Variants in SSBP2 observed in about 807,000 individuals in gnomAD.
SSBP2 encodes the protein single stranded DNA binding protein 2, also known as single-stranded DNA-binding protein 2.
SSBP2 carries 17 observed loss-of-function variants against 61.8 expected under a neutral mutation model. That is an observed-to-expected ratio of 0.28 (90% CI 0.19 to 0.41). The LOEUF is 0.41. Ranked by LOEUF, SSBP2 falls within the 10% of genes least tolerant of loss-of-function variation. SSBP2 has a pLI of 1.00. For synonymous variants in SSBP2, 139 were observed against 141.3 expected (o/e 0.98, Z 0.12); for missense variants, 310 against 458.7 (o/e 0.68, Z 2.96).
At chr5:81,456,589 G>A (rs1219153600) in intron 10 of SSBP2, among the ~76,000 whole-genome samples, 1 of 148,042 alleles carries the variant, frequency 6.8e-6, no homozygotes, top group African/African-American at 2.5e-5. Context: ...AGAATCCTTC[G>A]TGAAAAAGAA....
chr5:81,459,708 A>G (rs935194611), intron 10 of SSBP2, among the ~76,000 whole-genome samples: 1 of 152,226 alleles, frequency 6.6e-6, no homozygotes, highest in African/African-American at 2.4e-5. Context: ...AAATAAATGT[A>G]TCTTGACCTG....
intron 4 of SSBP2, among the ~76,000 whole-genome samples, chr5:81,593,542 G>T (rs1265496550): frequency 6.6e-6 from 1 of 152,184 alleles, no homozygotes; most frequent in Non-Finnish European, 1.5e-5. Flanking sequence ...ATCACTGTCA[G>T]ATTCACCAAA....
chr5:81,563,034 C>A (rs145805748), intron 4 of SSBP2, among the ~76,000 whole-genome samples: 1 of 152,068 alleles, frequency 6.6e-6, no homozygotes, highest in Non-Finnish European at 1.5e-5. Flanking sequence ...TTGTAGAAAT[C>A]AAACACTGGA....
intron 3 of SSBP2, among the ~76,000 whole-genome samples, chr5:81,632,413 C>T (rs73766290): frequency 0.018 from 2,799 of 152,250 alleles, 100 homozygotes; most frequent in African/African-American, 0.064. Flanking sequence ...GGGTAAGGAC[C>T]TTAATCTAGG....
chr5:81,531,729 A>G (rs866450696), intron 4 of SSBP2, among the ~76,000 whole-genome samples: 1 of 152,122 alleles, frequency 6.6e-6, no homozygotes, highest in Non-Finnish European at 1.5e-5. Flanking sequence ...TAAAATGAAC[A>G]AGACAGTAAA....
At chr5:81,695,186 T>C (rs1419223466) in intron 1 of SSBP2, among the ~76,000 whole-genome samples, 1 of 152,228 alleles carries the variant, frequency 6.6e-6, no homozygotes, top group Non-Finnish European at 1.5e-5. Context: ...TAAAATTAAG[T>C]ATCTAAAATC....
At chr5:81,478,583 C>T (rs1040985190) in intron 6 of SSBP2, among the ~76,000 whole-genome samples, 4 of 152,116 alleles carry the variant, frequency 2.6e-5, no homozygotes, top group African/African-American at 4.8e-5. Flanking sequence ...ATCATCGGCC[C>T]GTCTCAGCCT....
intron 4 of SSBP2, 153 bp downstream of exon 4, chr5:81,615,320 T>A (rs1745903782): frequency 3.0e-6 from 2 of 656,306 alleles, no homozygotes; most frequent in Non-Finnish European, 5.4e-6. Context: ...CTATTTCACA[T>A]TTAAAGTTAT....
chr5:81,641,967 G>C lies in SSBP2; in HGVS notation c.136-5349C>G, dbSNP rs561676943. Among the ~76,000 whole-genome samples, 40 of 152,166 alleles carry C rather than the reference G, an allele frequency of 2.6e-4. No homozygotes were observed. In the South Asian group the frequency reaches 5.8e-3, roughly 22 times the overall value. On this transcript the variant is annotated intron_variant, in intron 2 of 16. Coordinates refer to ENST00000320672, the MANE Select transcript of SSBP2 (RefSeq NM_012446.5). ...TATACATACATATGTGTGCTTGTAG[G>C]TGTGTGTGCATTTTTAAAAATCACA... is the stretch of plus-strand genomic sequence containing the variant.
At chr5:81,446,951 A>C in intron 11 of SSBP2, 29 bp from the exon 12 acceptor site, 1 of 1,554,170 alleles carries the variant, frequency 6.4e-7, no homozygotes, top group Non-Finnish European at 8.7e-7. Flanking sequence ...TTTCAGTAAA[A>C]ATAAGGCATT....
At chr5:81,578,145 A>G (rs1254217363) in intron 4 of SSBP2, among the ~76,000 whole-genome samples, 5 of 152,096 alleles carry the variant, frequency 3.3e-5, no homozygotes, top group Non-Finnish European at 4.4e-5. Flanking sequence ...TTATAATTCC[A>G]TAATTATTCA....
intron 1 of SSBP2, among the ~76,000 whole-genome samples, chr5:81,684,187 T>C (rs967673689): frequency 2.6e-5 from 4 of 152,144 alleles, no homozygotes; most frequent in Non-Finnish European, 4.4e-5. Context: ...TGCCAATACA[T>C]AGAAGCAACC....
Position 81,631,619 on chromosome 5 carries a change from G to C in SSBP2, c.197+4938C>G, listed in dbSNP as rs1043411090. On this transcript the variant is annotated intron_variant, in intron 3 of 16. Transcript: ENST00000320672. ...CAATATTAACTAGGATTTAAACACT[G>C]CCTGGCAATATTTTGTGTGTGCGCC... Among the ~76,000 whole-genome samples the C allele has an allele frequency of 3.3e-5, 5 of 151,962 alleles. No homozygotes were observed. In the East Asian group the frequency reaches 9.7e-4, roughly 29 times the overall value.
intron 1 of SSBP2, among the ~76,000 whole-genome samples, chr5:81,748,626 C>A (rs1180237549): frequency 6.6e-6 from 1 of 152,192 alleles, no homozygotes; most frequent in African/African-American, 2.4e-5. Flanking sequence ...TCTCCAAAAG[C>A]GGCCTCTTCA....
intron 2 of SSBP2, among the ~76,000 whole-genome samples, chr5:81,646,588 A>C (rs1232488329): frequency 6.8e-6 from 1 of 147,816 alleles, no homozygotes; most frequent in African/African-American, 2.5e-5. Flanking sequence ...AAATTATTAC[A>C]TTCTCTAAAA....
intron 1 of SSBP2, among the ~76,000 whole-genome samples, chr5:81,679,013 T>G (rs1023487305): frequency 6.6e-5 from 10 of 152,138 alleles, no homozygotes; most frequent in African/African-American, 1.7e-4. Context: ...AATTTTTTAT[T>G]TATTTATTTA....
At position 81,708,519 on chromosome 5, in the gene SSBP2, ATC is replaced by A. The variant is rs1278580655; in HGVS notation, c.62+42460_62+42461del. ...CGTCATGTTAGAGAGAGAGAAATTC[ATC>A]TCTCAGATTTTTTTTAAAGCAGGCT... On this transcript the variant is annotated intron_variant, in intron 1 of 16. Coordinates refer to ENST00000320672, the MANE Select transcript of SSBP2 (RefSeq NM_012446.5). Among the ~76,000 whole-genome samples, 4 of 152,162 alleles carry A rather than the reference ATC, an allele frequency of 2.6e-5. No individual in the cohort carries two copies. In the South Asian group the frequency reaches 6.2e-4, roughly 24 times the overall value.
intron 9 of SSBP2, among the ~76,000 whole-genome samples, chr5:81,465,309 A>C (rs1178793948): frequency 1.3e-5 from 2 of 152,026 alleles, no homozygotes; most frequent in Admixed American, 6.5e-5. Flanking sequence ...ACCCAAACCT[A>C]AATATCAACA....
At chr5:81,671,985 A>G (rs934685361) in intron 1 of SSBP2, among the ~76,000 whole-genome samples, 2 of 152,186 alleles carry the variant, frequency 1.3e-5, no homozygotes, top group Non-Finnish European at 2.9e-5. Flanking sequence ...AAAATTCTCT[A>G]TGTACTTGAA....
Sources: allele counts gnomAD v4.1 joint callset (sites outside exome capture counted in the v4.1 genomes callset), GRCh38; gene constraint gnomAD v4.1.1; transcripts MANE v1.5; gene names NCBI Gene and HGNC (gene_info 2026-07-23, HGNC 2026-07-21).